Variants in THAP2 observed in about 807,000 individuals in gnomAD.
THAP2 encodes THAP domain containing 2.
Under a neutral mutation model 18.8 loss-of-function variants are expected in THAP2, and 16 were observed. That is an observed-to-expected ratio of 0.85 (90% CI 0.58 to 1.29). The LOEUF is 1.29. Ranked by LOEUF, THAP2 falls within the 50% of genes most tolerant of loss-of-function variation. THAP2 has a pLI of 0.00. For missense variants in THAP2, 251 were observed against 265.3 expected (o/e 0.95, Z 0.38); for synonymous variants, 80 against 89.2 (o/e 0.90, Z 0.58).
In THAP2 at chr12:71,664,389, C is replaced by CA; in HGVS notation, c.-120dup. ...ACACCCCTTCTTCCCACTCCGCTCT[C>CA]ACGACTAAGCTCTCACGATTAAGGC... On this transcript the variant is annotated 5_prime_UTR_variant, in exon 1 of 3. Transcript: ENST00000308086. The CA allele has an allele frequency of 1.6e-6, 2 of 1,239,196 alleles. No individual in the cohort carries two copies. The highest frequency in any genetic ancestry group is 2.4e-6 in the Non-Finnish European group (2 of 850,078). The allele number at this position is 1,239,196 out of a possible 1,614,324, so 76.8% of individuals were successfully genotyped here.
intron 1 of THAP2, among the ~76,000 whole-genome samples, chr12:71,672,900 A>C (rs764905657): frequency 1.6e-4 from 25 of 152,170 alleles, no homozygotes; most frequent in Non-Finnish European, 3.1e-4. Context: ...ACTTTCTGCC[A>C]TGATACACAA....
intron 1 of THAP2, among the ~76,000 whole-genome samples, chr12:71,673,099 T>C (rs1881468398): frequency 6.6e-6 from 1 of 152,162 alleles, no homozygotes; most frequent in African/African-American, 2.4e-5. Flanking sequence ...TTGTTTACAT[T>C]CTTCTGGACT....
At position 71,677,162 on chromosome 12, in the gene THAP2, A is replaced by G. The variant is rs2137583296; in HGVS notation, c.*54A>G. On this transcript the variant is annotated 3_prime_UTR_variant, in exon 3 of 3. Coordinates refer to ENST00000308086, the MANE Select transcript of THAP2 (RefSeq NM_031435.4). Reference sequence around the variant, plus strand: ...TCCTTCATTCTTTTCAGAAGTAAAGATAATTATGGCACTTATGCCAAAATT... The same window carrying G: ...TCCTTCATTCTTTTCAGAAGTAAAGGTAATTATGGCACTTATGCCAAAATT... The G allele has an allele frequency of 7.0e-7, 1 of 1,418,536 alleles. No individual in the cohort carries two copies. Among genetic ancestry groups the G allele is most frequent in the South Asian group, 1.8e-5 (1 of 55,370 alleles). 87.9% of individuals were successfully genotyped at this position (1,418,536 alleles called of 1,614,324 possible).
intron 2 of THAP2, among the ~76,000 whole-genome samples, chr12:71,676,111 CA>C (rs1229806543): frequency 6.6e-6 from 1 of 151,550 alleles, no homozygotes. Flanking sequence ...GAGATAAAAG[CA>C]AAAAAAGTCT....
chr12:71,672,173 A>G, intron 1 of THAP2, among the ~76,000 whole-genome samples: 1 of 151,976 alleles, frequency 6.6e-6, no homozygotes, highest in East Asian at 1.9e-4. Flanking sequence ...CCTTTGTGGC[A>G]TTTTTTTCAA....
chr12:71,674,977 A>G (rs551070349), intron 2 of THAP2, among the ~76,000 whole-genome samples: 6 of 151,948 alleles, frequency 3.9e-5, no homozygotes, highest in Non-Finnish European at 8.8e-5. Context: ...TTTAAAGGAA[A>G]GAATGAAGAA....
At chr12:71,672,772 G>T (rs900269276) in intron 1 of THAP2, among the ~76,000 whole-genome samples, 24 of 151,940 alleles carry the variant, frequency 1.6e-4, no homozygotes, top group Non-Finnish European at 2.8e-4. Context: ...TCATGACTCT[G>T]CTTCTTAGAG....
Position 71,680,456 on chromosome 12 carries a change from C to T in THAP2, c.*3348C>T, listed in dbSNP as rs549897804. Reference sequence around the variant, plus strand: ...TATCTCATTTCTCAATATTAGAATACGGGTAGATTTTAATTTTGCTATAAT... The same window carrying T: ...TATCTCATTTCTCAATATTAGAATATGGGTAGATTTTAATTTTGCTATAAT... On this transcript the variant is annotated 3_prime_UTR_variant, in exon 3 of 3. Transcript: ENST00000308086. 4 of 152,592 alleles carry T rather than the reference C, an allele frequency of 2.6e-5. No homozygotes were observed. Among genetic ancestry groups the T allele is most frequent in the East Asian group, 3.9e-4 (2 of 5,182 alleles). The allele number at this position is 152,592 out of a possible 1,614,324, so 9.5% of individuals were successfully genotyped here. A position where few individuals can be genotyped will look rare whatever the true frequency, so the allele number is the denominator to read the frequency against.
Position 71,679,367 on chromosome 12 carries a change from A to G in THAP2, c.*2259A>G, listed in dbSNP as rs1450449847. The G allele has an allele frequency of 6.6e-6, 1 of 152,186 alleles. No individual in the cohort carries two copies. Among genetic ancestry groups the G allele is most frequent in the Non-Finnish European group, 1.5e-5 (1 of 68,000 alleles). 9.4% of individuals were successfully genotyped at this position (152,186 alleles called of 1,614,324 possible). A position where few individuals can be genotyped will look rare whatever the true frequency, so the allele number is the denominator to read the frequency against. On this transcript the variant is annotated 3_prime_UTR_variant, in exon 3 of 3. Transcript: ENST00000308086. ...TTGCATCAAATTGTTTTATTAACAT[A>G]CATTTGTCTACCTTAAAACTAGCTT...
At chr12:71,665,930 A>G (rs148491911) in intron 1 of THAP2, among the ~76,000 whole-genome samples, 8 of 152,282 alleles carry the variant, frequency 5.3e-5, no homozygotes, top group Non-Finnish European at 7.4e-5. Context: ...TAATTTACCT[A>G]TTTTTTTCCT....
rs567973404 is a variant in THAP2, at chr12:71,675,816, G to T, written c.268-873G>T. 2.0e-5 allele frequency among the ~76,000 whole-genome samples: 3 copies of T among 152,130 alleles called. No individual in the cohort carries two copies. The South Asian group carries it at 6.2e-4, about 31-fold the overall frequency. ...TTCCTTTAGATAATAGATAGGCAAA[G>T]AATAATTTGGCCAGAATGGAAAAGT... On this transcript the variant is annotated intron_variant, in intron 2 of 2. Coordinates refer to ENST00000308086, the MANE Select transcript of THAP2 (RefSeq NM_031435.4).
At chr12:71,665,975 T>C (rs17110141) in intron 1 of THAP2, among the ~76,000 whole-genome samples, 2,773 of 152,286 alleles carry the variant, frequency 0.018, 72 homozygotes, top group African/African-American at 0.063. Context: ...TCAACTAAAC[T>C]AAACCCTTTA....
intron 1 of THAP2, among the ~76,000 whole-genome samples, chr12:71,670,331 C>A (rs557891950): frequency 6.6e-6 from 1 of 152,298 alleles, no homozygotes; most frequent in Admixed American, 6.5e-5. Flanking sequence ...AAACTTACTA[C>A]ATGTCAATGT....
chr12:71,678,589 T>C lies in THAP2; in HGVS notation c.*1481T>C, dbSNP rs1881555864. 6.6e-6 allele frequency: 1 copy of C among 152,236 alleles called. No homozygotes were observed. The highest frequency in any genetic ancestry group is 2.1e-4 in the South Asian group (1 of 4,836). 9.4% of individuals were successfully genotyped at this position (152,236 alleles called of 1,614,324 possible). On this transcript the variant is annotated 3_prime_UTR_variant, in exon 3 of 3. Coordinates refer to ENST00000308086, the MANE Select transcript of THAP2 (RefSeq NM_031435.4). ...CTTATTTAATTCAAGCTTGTGATAC[T>C]AACATACAAAGGTAGCATAAACCAA... is the stretch of plus-strand genomic sequence containing the variant.
At chr12:71,672,211 A>G (rs1881453230) in intron 1 of THAP2, among the ~76,000 whole-genome samples, 1 of 152,082 alleles carries the variant, frequency 6.6e-6, no homozygotes, top group Non-Finnish European at 1.5e-5. Context: ...TGCATCAGAA[A>G]CCTGTTCAGA....
rs1400887253 is a variant in THAP2, at chr12:71,679,344, G to A, written c.*2236G>A. 6.6e-6 allele frequency: 1 copy of A among 151,930 alleles called. No homozygotes were observed. The highest frequency in any genetic ancestry group is 1.5e-5 in the Non-Finnish European group (1 of 67,970). The allele number at this position is 151,930 out of a possible 1,614,324, so 9.4% of individuals were successfully genotyped here. A position where few individuals can be genotyped will look rare whatever the true frequency, so the allele number is the denominator to read the frequency against. Reference sequence around the variant, plus strand: ...CCTGACAACATGCTCCAAACTCTTTGCATCAAATTGTTTTATTAACATACA... The same window carrying A: ...CCTGACAACATGCTCCAAACTCTTTACATCAAATTGTTTTATTAACATACA... On this transcript the variant is annotated 3_prime_UTR_variant, in exon 3 of 3. Coordinates refer to ENST00000308086, the MANE Select transcript of THAP2 (RefSeq NM_031435.4).
intron 1 of THAP2, among the ~76,000 whole-genome samples, chr12:71,669,741 A>G (rs553866730): frequency 6.6e-6 from 1 of 152,180 alleles, no homozygotes; most frequent in Admixed American, 6.5e-5. Flanking sequence ...GGATCACCTG[A>G]GGTCAAGAGT....
At chr12:71,666,683 A>G (rs1034160648) in intron 1 of THAP2, among the ~76,000 whole-genome samples, 10 of 152,196 alleles carry the variant, frequency 6.6e-5, no homozygotes, top group African/African-American at 2.4e-4. Flanking sequence ...AATACAAACA[A>G]GGATTAATTG....
intron 1 of THAP2, among the ~76,000 whole-genome samples, chr12:71,666,594 T>C (rs1303725668): frequency 6.6e-6 from 1 of 152,212 alleles, no homozygotes; most frequent in East Asian, 1.9e-4. Flanking sequence ...ACTATGAATT[T>C]AACATTTTCA....
Sources: gnomAD v4.1 joint callset for allele counts (sites outside exome capture counted in the v4.1 genomes callset) on GRCh38, gnomAD v4.1.1 for gene constraint, MANE v1.5 for transcripts, NCBI Gene and HGNC (gene_info 2026-07-23, HGNC 2026-07-21) for gene names.